The following PRKG1 variants were observed in gnomAD, a reference collection of about 807,000 sequenced individuals.
PRKG1 encodes the protein cGMP-dependent protein kinase 1.
Under a neutral mutation model 88.1 loss-of-function variants are expected in PRKG1, and 35 were observed. The ratio of observed to expected loss-of-function variants is 0.40; its 90% CI spans 0.30 to 0.53. PRKG1 has a LOEUF of 0.53. Ranked by LOEUF, PRKG1 falls within the 20% of genes least tolerant of loss-of-function variation. PRKG1 has a pLI of 0.59. For missense variants in PRKG1, 540 were observed against 839.8 expected (o/e 0.64, Z 4.41); for synonymous variants, 303 against 292.5 (o/e 1.04, Z -0.37).
intron 5 of PRKG1, among the ~76,000 whole-genome samples, chr10:51,922,395 T>A (rs1016890618): frequency 5.3e-5 from 8 of 151,810 alleles, no homozygotes; most frequent in Non-Finnish European, 1.5e-5. Context: ...TCAGTTTCAT[T>A]GATATCTGAC....
chr10:51,745,568 T>A (rs1002229822), intron 3 of PRKG1, among the ~76,000 whole-genome samples: 1 of 152,204 alleles, frequency 6.6e-6, no homozygotes, highest in Non-Finnish European at 1.5e-5. Context: ...TACATATATA[T>A]GTGATTCATT....
intron 1 of PRKG1, among the ~76,000 whole-genome samples, chr10:51,062,186 T>C (rs1373735133): frequency 6.6e-6 from 1 of 152,188 alleles, no homozygotes; most frequent in African/African-American, 2.4e-5. Flanking sequence ...TCAGTCTTAT[T>C]GAGTACATGG....
At chr10:51,587,648 C>T (rs903280216) in intron 3 of PRKG1, among the ~76,000 whole-genome samples, 3 of 152,120 alleles carry the variant, frequency 2.0e-5, no homozygotes, top group Non-Finnish European at 4.4e-5. Context: ...AGCAAATGTA[C>T]ACATATATAG....
upstream of PRKG1, among the ~76,000 whole-genome samples, chr10:51,071,292 G>A (rs531440740): frequency 5.6e-4 from 86 of 152,218 alleles, no homozygotes; most frequent in South Asian, 1.9e-3. Context: ...CTGGTCAAAA[G>A]CATCATTGAA....
intron 3 of PRKG1, among the ~76,000 whole-genome samples, chr10:51,735,844 G>T (rs1020271051): frequency 5.4e-5 from 7 of 130,316 alleles, no homozygotes; most frequent in Admixed American, 1.7e-4. Flanking sequence ...TGGGGCAGGG[G>T]GCCTGACTGC....
At chr10:51,455,407 G>A (rs293276) in intron 2 of PRKG1, among the ~76,000 whole-genome samples, 53,681 of 152,078 alleles carry the variant, frequency 0.35, 10,546 homozygotes, top group African/African-American at 0.51. Context: ...AAATTTCTGC[G>A]GCCAGCTTGA....
chr10:52,069,609 A>T (rs140631279), intron 7 of PRKG1, among the ~76,000 whole-genome samples: 1 of 152,184 alleles, frequency 6.6e-6, no homozygotes, highest in Non-Finnish European at 1.5e-5. Context: ...ATATTTTTCC[A>T]TATTTGAATT....
intron 9 of PRKG1, among the ~76,000 whole-genome samples, chr10:52,247,012 T>C (rs1841042200): frequency 6.6e-6 from 1 of 151,762 alleles, no homozygotes; most frequent in Admixed American, 6.6e-5. Flanking sequence ...TTCTGCCTTC[T>C]TCACACAACA....
intron 7 of PRKG1, among the ~76,000 whole-genome samples, chr10:52,109,591 A>AC (rs771331206): frequency 9.2e-5 from 14 of 152,006 alleles, no homozygotes; most frequent in Non-Finnish European, 1.6e-4. Context: ...ACATAGTGAC[A>AC]CCCCATCCCT....
intron 2 of PRKG1, among the ~76,000 whole-genome samples, chr10:51,458,907 C>T (rs1839664921): frequency 6.6e-6 from 1 of 152,038 alleles, no homozygotes; most frequent in Non-Finnish European, 1.5e-5. Flanking sequence ...TATTCATGGA[C>T]TTTGATATAC....
intron 3 of PRKG1, chr10:51,697,432 T>G (rs1219124875): frequency 2.2e-6 from 1 of 455,244 alleles, no homozygotes; most frequent in African/African-American, 2.0e-5. Context: ...CTGCTTATTC[T>G]TTGTAATCTT....
chr10:51,600,212 T>C (rs539501580), intron 3 of PRKG1, among the ~76,000 whole-genome samples: 1 of 152,204 alleles, frequency 6.6e-6, no homozygotes, highest in East Asian at 1.9e-4. Flanking sequence ...TTTATACCTC[T>C]GCCTTAGATG....
chr10:51,695,246 T>C (rs1841258203), intron 3 of PRKG1, among the ~76,000 whole-genome samples: 1 of 152,160 alleles, frequency 6.6e-6, no homozygotes, highest in Non-Finnish European at 1.5e-5. Context: ...GAACATAAGC[T>C]TAATATCTGA....
chr10:51,826,542 A>C (rs1234542970), intron 4 of PRKG1, among the ~76,000 whole-genome samples: 1 of 152,168 alleles, frequency 6.6e-6, no homozygotes, highest in Non-Finnish European at 1.5e-5. Context: ...CAAATGGATA[A>C]AAGCTATTAA....
At chr10:51,345,496 T>G (rs1842092961) in intron 2 of PRKG1, among the ~76,000 whole-genome samples, 1 of 152,234 alleles carries the variant, frequency 6.6e-6, no homozygotes, top group African/African-American at 2.4e-5. Flanking sequence ...TAGTTAGTTA[T>G]GGGATATTTC....
At chr10:51,374,093 A>AAAAAAT in intron 2 of PRKG1, among the ~76,000 whole-genome samples, 3 of 100,188 alleles carry the variant, frequency 3.0e-5, no homozygotes, top group African/African-American at 1.0e-4. Flanking sequence ...AAAAAAAAAA[A>AAAAAAT]ATATATATAT....
chr10:51,644,109 A>C (rs929810144), intron 3 of PRKG1, among the ~76,000 whole-genome samples: 3 of 152,300 alleles, frequency 2.0e-5, no homozygotes, highest in African/African-American at 7.2e-5. Context: ...ACACCTAAAA[A>C]CTAATAAACT....
At position 52,098,650 on chromosome 10, in the gene PRKG1, A is replaced by G. The variant is rs181943415; in HGVS notation, c.936-35190A>G. Among the ~76,000 whole-genome samples, 1,377 of 152,298 alleles carry G rather than the reference A, an allele frequency of 9.0e-3. 8 individuals are homozygous for G. Among genetic ancestry groups the G allele is most frequent in the Non-Finnish European group, 0.016 (1,060 of 68,024 alleles). ...TAGATGTATAAATGTAAAATTGAGAATGAGAAGCTTTGAGCTTTGAAAGTG... is the reference window on the plus strand; with the variant it reads ...TAGATGTATAAATGTAAAATTGAGAGTGAGAAGCTTTGAGCTTTGAAAGTG... On this transcript the variant is annotated intron_variant, in intron 7 of 17. Coordinates refer to ENST00000373980, the MANE Select transcript of PRKG1 (RefSeq NM_006258.4).
intron 2 of PRKG1, among the ~76,000 whole-genome samples, chr10:51,348,691 G>C (rs149193010): frequency 1.3e-5 from 2 of 152,132 alleles, no homozygotes; most frequent in Non-Finnish European, 2.9e-5. Context: ...GTGAGAACTC[G>C]ACCTTGGTCT....
Sources: gnomAD v4.1 joint callset for allele counts (sites outside exome capture counted in the v4.1 genomes callset) on GRCh38, gnomAD v4.1.1 for gene constraint, MANE v1.5 for transcripts, NCBI Gene and HGNC (gene_info 2026-07-23, HGNC 2026-07-21) for gene names.